The following ROBO1 variants were observed in gnomAD, a reference collection of about 807,000 sequenced individuals.
ROBO1 encodes the protein roundabout guidance receptor 1, also known as roundabout homolog 1.
ROBO1 carries 149 observed loss-of-function variants against 195.9 expected under a neutral mutation model. That is an observed-to-expected ratio of 0.76 (90% CI 0.67 to 0.87). ROBO1 has a LOEUF of 0.87. Among genes scored for constraint, ROBO1 ranks in the 40% least tolerant of loss-of-function variants. The pLI, the probability that ROBO1 is intolerant of heterozygous loss-of-function variation, is 0.00. For missense variants in ROBO1, 1,933 were observed against 2,068.3 expected (o/e 0.93, Z 1.27); for synonymous variants, 816 against 733.2 (o/e 1.11, Z -1.82).
At chr3:79,193,263 T>C (rs2108759949) in intron 2 of ROBO1, among the ~76,000 whole-genome samples, 1 of 151,738 alleles carries the variant, frequency 6.6e-6, no homozygotes, top group African/African-American at 2.4e-5. Flanking sequence ...GATACAAAAG[T>C]TTGTGAGTCT....
chr3:78,679,451 C>A (rs1225478907), intron 10 of ROBO1, among the ~76,000 whole-genome samples: 1 of 152,188 alleles, frequency 6.6e-6, no homozygotes, highest in African/African-American at 2.4e-5. Context: ...CCAAAATCTC[C>A]TTAAGCTGAT....
At chr3:79,197,653 C>T (rs900306387) in intron 2 of ROBO1, among the ~76,000 whole-genome samples, 1 of 152,058 alleles carries the variant, frequency 6.6e-6, no homozygotes, top group African/African-American at 2.4e-5. Context: ...ACACTCACAC[C>T]AACAATGTAC....
intron 3 of ROBO1, among the ~76,000 whole-genome samples, chr3:78,956,987 A>G (rs1271277355): frequency 6.6e-6 from 1 of 152,338 alleles, no homozygotes. Context: ...CAGAAAAAGA[A>G]GAGACACAGA....
intron 10 of ROBO1, among the ~76,000 whole-genome samples, chr3:78,676,675 T>A (rs1292531426): frequency 6.6e-6 from 1 of 151,994 alleles, no homozygotes; most frequent in Non-Finnish European, 1.5e-5. Context: ...TGGGACTATG[T>A]GAAAAGACCA....
chr3:79,500,847 G>T (rs942830583), intron 2 of ROBO1, among the ~76,000 whole-genome samples: 1 of 152,134 alleles, frequency 6.6e-6, no homozygotes, highest in Non-Finnish European at 1.5e-5. Flanking sequence ...TAGCAAGGGG[G>T]ACCTAGCAAC....
chr3:79,386,985 G>C (rs2036773484), intron 2 of ROBO1, among the ~76,000 whole-genome samples: 1 of 152,096 alleles, frequency 6.6e-6, no homozygotes, highest in Admixed American at 6.5e-5. Context: ...TCAGAATGGT[G>C]ACTTGTCATA....
intron 3 of ROBO1, among the ~76,000 whole-genome samples, chr3:79,056,423 G>A (rs1259565261): frequency 1.3e-5 from 2 of 152,020 alleles, no homozygotes; most frequent in Admixed American, 1.3e-4. Flanking sequence ...ACAGAGGCTG[G>A]ATTACACATC....
intron 3 of ROBO1, among the ~76,000 whole-genome samples, chr3:78,939,139 G>A (rs1316450181): frequency 2.6e-5 from 4 of 151,960 alleles, no homozygotes; most frequent in South Asian, 2.1e-4. Flanking sequence ...AACTTCTCTC[G>A]CTTACACATT....
At chr3:78,972,430 AT>A (rs1184900802) in intron 3 of ROBO1, among the ~76,000 whole-genome samples, 1 of 152,216 alleles carries the variant, frequency 6.6e-6, no homozygotes, top group Non-Finnish European at 1.5e-5. Context: ...CATTTTGAGA[AT>A]TTGATGATAT....
At chr3:78,952,741 T>A (rs866380222) in intron 3 of ROBO1, among the ~76,000 whole-genome samples, 1 of 152,046 alleles carries the variant, frequency 6.6e-6, no homozygotes, top group African/African-American at 2.4e-5. Flanking sequence ...ACATAGTACA[T>A]GAATACAAGG....
At chr3:78,884,493 C>G (rs2107290260) in intron 4 of ROBO1, among the ~76,000 whole-genome samples, 1 of 151,600 alleles carries the variant, frequency 6.6e-6, no homozygotes, top group Admixed American at 6.6e-5. Context: ...TGGCACACAT[C>G]TGTCATCCCA....
chr3:79,474,134 T>C (rs956743921), intron 2 of ROBO1, among the ~76,000 whole-genome samples: 11 of 152,158 alleles, frequency 7.2e-5, no homozygotes, highest in African/African-American at 2.4e-5. Flanking sequence ...CAAAAACAGA[T>C]GACCTCATGC....
intron 3 of ROBO1, among the ~76,000 whole-genome samples, chr3:78,989,359 A>G (rs1174797784): frequency 6.6e-6 from 1 of 152,230 alleles, no homozygotes. Context: ...CATGCCTATA[A>G]TCCTAGCACT....
chr3:79,457,158 A>G (rs1231018244), intron 2 of ROBO1, among the ~76,000 whole-genome samples: 1 of 152,212 alleles, frequency 6.6e-6, no homozygotes, highest in African/African-American at 2.4e-5. Context: ...CATTCAAGGC[A>G]TACAATCACA....
At chr3:79,473,393 T>C (rs149198274) in intron 2 of ROBO1, among the ~76,000 whole-genome samples, 42 of 152,256 alleles carry the variant, frequency 2.8e-4, no homozygotes, top group African/African-American at 9.6e-4. Context: ...TATGGTTGTA[T>C]TAGCATGTTG....
chr3:79,294,550 A>T (rs978238970), intron 2 of ROBO1, among the ~76,000 whole-genome samples: 9 of 152,322 alleles, frequency 5.9e-5, no homozygotes, highest in African/African-American at 1.9e-4. Flanking sequence ...CAAAGACTTC[A>T]TGACTAAAAG....
At chr3:78,743,463 G>A (rs1362347042) in intron 5 of ROBO1, among the ~76,000 whole-genome samples, 9 of 151,852 alleles carry the variant, frequency 5.9e-5, no homozygotes, top group African/African-American at 2.2e-4. Flanking sequence ...TGCCCTTTCT[G>A]CCTCTTCTCC....
At position 79,613,399 on chromosome 3, in the gene ROBO1, A is replaced by G. The variant is rs140015356; in HGVS notation, c.-50-23438T>C. ...AGCAACAGCTGAGAAAGAAAGAAAG[A>G]AGTATAACTAACAAGCCAATAGTAG... On this transcript the variant is annotated intron_variant, in intron 1 of 30. Transcript: ENST00000464233. Among the ~76,000 whole-genome samples, 470 of 152,210 alleles carry G rather than the reference A, an allele frequency of 3.1e-3. 2 individuals carry two copies. Among genetic ancestry groups the G allele is most frequent in the African/African-American group, 0.011 (458 of 41,566 alleles).
intron 2 of ROBO1, among the ~76,000 whole-genome samples, chr3:79,146,494 A>C (rs562382593): frequency 2.2e-4 from 33 of 151,418 alleles, no homozygotes; most frequent in Admixed American, 5.3e-4. Context: ...ATATATATAT[A>C]TCTCTAATGT....
Sources: gnomAD v4.1 joint callset for allele counts (sites outside exome capture counted in the v4.1 genomes callset) on GRCh38, gnomAD v4.1.1 for gene constraint, MANE v1.5 for transcripts, NCBI Gene and HGNC (gene_info 2026-07-23, HGNC 2026-07-21) for gene names.